Variants in FRYL observed in about 807,000 individuals in gnomAD.
FRYL encodes the protein FRY like transcription coactivator.
In FRYL, 150 loss-of-function variants were observed where a neutral mutation model predicts 351.2. The observed-to-expected ratio is 0.43, with a 90% CI of 0.37 to 0.49. The LOEUF is 0.49. Ranked by LOEUF, FRYL falls within the 20% of genes least tolerant of loss-of-function variation. FRYL has a pLI of 0.00. For synonymous variants in FRYL, 1,153 were observed against 1,257.1 expected (o/e 0.92, Z 1.75); for missense variants, 3,036 against 3,619.3 (o/e 0.84, Z 4.13).
intron 45 of FRYL, 135 bp downstream of exon 45, chr4:48,541,892 A>C: frequency 1.6e-6 from 1 of 637,412 alleles, no homozygotes; most frequent in Non-Finnish European, 2.8e-6. Context: ...TCTGCGGCCC[A>C]TCTCCCCACT....
intron 2 of FRYL, among the ~76,000 whole-genome samples, chr4:48,693,240 T>C (rs1765834335): frequency 6.6e-6 from 1 of 152,220 alleles, no homozygotes; most frequent in South Asian, 2.1e-4. Context: ...TAACATCCCA[T>C]ACACAAATTT....
At position 48,671,880 on chromosome 4, in the gene FRYL, A is replaced by C. The variant is rs1363518569; in HGVS notation, c.-81+12793T>G. 1.7e-4 allele frequency among the ~76,000 whole-genome samples: 25 copies of C among 148,328 alleles called. No individual in the cohort carries two copies. The South Asian group carries it at 3.8e-3, about 23-fold the overall frequency. ...AAACAAAAAAAAAAAAAACAAAAAA[A>C]AAAAAAAAAAAGAAGGAAAGACAGA... On this transcript the variant is annotated intron_variant, in intron 3 of 63. Transcript: ENST00000358350.
chr4:48,517,499 T>A (rs555019050), intron 55 of FRYL, among the ~76,000 whole-genome samples: 2 of 152,316 alleles, frequency 1.3e-5, no homozygotes, highest in South Asian at 4.1e-4. Context: ...ATTATGAGAA[T>A]CAAATTTTCT....
chr4:48,728,448 C>T (rs1263690397), intron 1 of FRYL, among the ~76,000 whole-genome samples: 3 of 151,664 alleles, frequency 2.0e-5, no homozygotes, highest in African/African-American at 4.8e-5. Context: ...AGGAGAGGAA[C>T]AGAAGAAATA....
intron 28 of FRYL, 63 bp from the exon 29 acceptor site, chr4:48,565,754 A>G: frequency 6.7e-7 from 1 of 1,482,094 alleles, no homozygotes; most frequent in Non-Finnish European, 9.2e-7. Flanking sequence ...CTTTTATACC[A>G]ACATGTTATT....
Position 48,602,119 on chromosome 4 carries a change from A to C in FRYL, c.936T>G (p.Ala312=). 1 of 1,476,878 alleles carries C rather than the reference A, an allele frequency of 6.8e-7. No individual in the cohort carries two copies. Among genetic ancestry groups the C allele is most frequent in the Non-Finnish European group, 9.4e-7 (1 of 1,059,882 alleles). 91.5% of individuals were successfully genotyped at this position (1,476,878 alleles called of 1,614,324 possible). The change falls in exon 13 of 64, where the codon GCT becomes GCG. Residue 312 remains alanine, a splice_region_variant and synonymous_variant. Transcript: ENST00000358350. ...AAAGGCAGGTAATTAGTGGATATAAAGCCTATAGGAGACGGGGAAAAGACA... is the reference window on the plus strand; with the variant it reads ...AAAGGCAGGTAATTAGTGGATATAACGCCTATAGGAGACGGGGAAAAGACA... The part of the protein sequence containing the change: ...ELSSRKKHSL[A]LYPLITCLLC...
intron 55 of FRYL, among the ~76,000 whole-genome samples, chr4:48,518,508 C>T (rs1037682959): frequency 3.9e-5 from 6 of 152,120 alleles, no homozygotes; most frequent in Non-Finnish European, 5.9e-5. Flanking sequence ...CCATTTTCGA[C>T]AAAAAAGGCC....
At chr4:48,540,185 T>G (rs1340480264) in intron 46 of FRYL, 117 bp from the exon 47 acceptor site, 7 of 1,135,510 alleles carry the variant, frequency 6.2e-6, no homozygotes, top group African/African-American at 3.2e-5. Context: ...CCTGGGATAT[T>G]CGATCTTCTA....
At chr4:48,565,834 A>C (rs1736656857) in intron 28 of FRYL, 143 bp from the exon 29 acceptor site, 2 of 735,898 alleles carry the variant, frequency 2.7e-6, no homozygotes, top group Admixed American at 5.9e-5. Flanking sequence ...CCGCGGTAGC[A>C]GGGATCATTT....
chr4:48,640,791 T>C (rs1755168693), intron 3 of FRYL, among the ~76,000 whole-genome samples: 1 of 152,034 alleles, frequency 6.6e-6, no homozygotes, highest in South Asian at 2.1e-4. Context: ...TGCTAAAAAA[T>C]AAAGCTGATT....
chr4:48,583,497 TGAA>T (rs1403084882), intron 19 of FRYL, among the ~76,000 whole-genome samples: 1 of 151,824 alleles, frequency 6.6e-6, no homozygotes, highest in East Asian at 1.9e-4. Flanking sequence ...TGGCTGATTG[TGAA>T]GAAGGATATA....
chr4:48,512,334 C>T (rs893877574), intron 57 of FRYL, 147 bp downstream of exon 57: 3 of 603,002 alleles, frequency 5.0e-6, no homozygotes, highest in Admixed American at 3.1e-5. Flanking sequence ...GTCACAGTGT[C>T]AATGTAAGTA....
Position 48,561,656 on chromosome 4 carries a change from T to C in FRYL, c.3697-20A>G, listed in dbSNP as rs761669969. 2 of 1,578,582 alleles carry C rather than the reference T, an allele frequency of 1.3e-6. No homozygotes were observed. The highest frequency in any genetic ancestry group is 2.2e-5 in the East Asian group (1 of 44,500). On this transcript the variant is annotated intron_variant, in intron 32 of 63. Coordinates refer to ENST00000358350, the MANE Select transcript of FRYL (RefSeq NM_015030.2). ...CAGAATCTATAGGAATGTGATTCCA[T>C]CAACTTAGGTTAAGATTTTATGGGT...
chr4:48,664,677 C>T (rs1761411233), intron 3 of FRYL, among the ~76,000 whole-genome samples: 1 of 152,164 alleles, frequency 6.6e-6, no homozygotes, highest in Non-Finnish European at 1.5e-5. Context: ...TCCCACATAG[C>T]TCTCACGGCA....
At chr4:48,613,706 AGCACTCTGGGAG>A (rs543473284) in intron 7 of FRYL, among the ~76,000 whole-genome samples, 2 of 152,146 alleles carry the variant, frequency 1.3e-5, no homozygotes, top group East Asian at 3.9e-4. Context: ...CTGTAATCCC[AGCACTCTGGGAG>A]GCTGAGGCGG....
At chr4:48,592,079 C>G (rs1743378706) in intron 16 of FRYL, among the ~76,000 whole-genome samples, 1 of 44,202 alleles carries the variant, frequency 2.3e-5, no homozygotes, top group Non-Finnish European at 3.9e-5. Flanking sequence ...GAAAATAAAG[C>G]TCTTATATAT....
intron 3 of FRYL, among the ~76,000 whole-genome samples, chr4:48,671,858 C>CAAAACA (rs1762753377): frequency 3.1e-4 from 7 of 22,398 alleles, no homozygotes; most frequent in South Asian, 2.4e-3. Flanking sequence ...GTCTCAAAAA[C>CAAAACA]AAAAAAAAAA....
rs763852288 is a variant in FRYL at position 48,570,846 on chromosome 4, C to G, written c.2977G>C (p.Ala993Pro). 1 of 1,613,064 alleles carries G rather than the reference C, an allele frequency of 6.2e-7. No homozygotes were observed. The highest frequency in any genetic ancestry group is 2.2e-5 in the East Asian group (1 of 44,868). Reference protein sequence around the residue: ...LVRIFELLADAGVISHSASGG... With the variant: ...LVRIFELLADPGVISHSASGG... ...ACTGACCTGTGACTAATGACACCAG[C>G]ATCTGCCAGCAGTTCAAATATTCGT... The change falls in exon 27 of 64, where the codon GCT (alanine) becomes CCT (proline). Residue 993 changes from alanine (A) to proline (P), a missense_variant. Coordinates refer to ENST00000358350, the MANE Select transcript of FRYL (RefSeq NM_015030.2).
intron 1 of FRYL, among the ~76,000 whole-genome samples, chr4:48,747,577 A>G (rs929304183): frequency 1.3e-5 from 2 of 152,258 alleles, no homozygotes; most frequent in African/African-American, 4.8e-5. Context: ...AAAATAAAAT[A>G]AAACAGGATG....
Sources: gnomAD v4.1 joint callset for allele counts (sites outside exome capture counted in the v4.1 genomes callset) on GRCh38, gnomAD v4.1.1 for gene constraint, MANE v1.5 for transcripts, NCBI Gene and HGNC (gene_info 2026-07-23, HGNC 2026-07-21) for gene names.